Variants in SLX9 observed in about 807,000 individuals in gnomAD.
SLX9 encodes the protein SLX9 ribosome biogenesis factor, also known as ribosome biogenesis protein SLX9 homolog.
A neutral mutation model predicts 20.8 loss-of-function variants in SLX9; 19 were observed. The ratio of observed to expected loss-of-function variants is 0.91; its 90% CI spans 0.64 to 1.34. The LOEUF is 1.34. SLX9 is among the 40% of genes most tolerant of loss of function. SLX9 has a pLI of 0.00. For missense variants in SLX9, 299 were observed against 322.2 expected (o/e 0.93, Z 0.55); for synonymous variants, 113 against 137.1 (o/e 0.82, Z 1.23).
upstream of SLX9, chr21:44,939,876 C>G (rs1639462742): frequency 8.5e-6 from 5 of 586,682 alleles, no homozygotes; most frequent in Non-Finnish European, 1.4e-5. Flanking sequence ...CCAGGTGCGT[C>G]GGTGAAAGGC....
chr21:44,972,796 G>T (rs2085176404), intron 4 of SLX9, among the ~76,000 whole-genome samples: 1 of 152,218 alleles, frequency 6.6e-6, no homozygotes, highest in Non-Finnish European at 1.5e-5. Flanking sequence ...GAAGTGTGAG[G>T]TGTCTGCGCA....
intron 1 of SLX9, among the ~76,000 whole-genome samples, chr21:44,941,409 C>G (rs1273092607): frequency 6.6e-6 from 1 of 151,076 alleles, no homozygotes; most frequent in Non-Finnish European, 1.5e-5. Context: ...TGACCTCTCT[C>G]CTTGTCCCCT....
At chr21:44,968,059 CGGGCCT>C (rs796975011) in intron 4 of SLX9, among the ~76,000 whole-genome samples, 1 of 151,950 alleles carries the variant, frequency 6.6e-6, no homozygotes, top group Non-Finnish European at 1.5e-5. Flanking sequence ...GCCAAGCCAG[CGGGCCT>C]GGGCCTGGGC....
intron 3 of SLX9, among the ~76,000 whole-genome samples, chr21:44,960,701 C>T (rs897597470): frequency 4.6e-5 from 7 of 152,364 alleles, no homozygotes; most frequent in South Asian, 2.1e-4. Flanking sequence ...CCTTTCAGGC[C>T]TGTGGCTCCC....
intron 2 of SLX9, among the ~76,000 whole-genome samples, chr21:44,959,643 A>AG (rs1245666943): frequency 6.6e-6 from 1 of 152,182 alleles, no homozygotes; most frequent in Non-Finnish European, 1.5e-5. Flanking sequence ...CGGGCCTGGC[A>AG]GGGGGCAGGG....
intron 4 of SLX9, among the ~76,000 whole-genome samples, chr21:44,969,749 AT>A (rs151081272): frequency 0.078 from 11,881 of 152,200 alleles, 1,541 homozygotes; most frequent in African/African-American, 0.27. Context: ...GCGTTAAGTA[AT>A]TAATAGTTAA....
At chr21:44,973,041 G>T in intron 4 of SLX9, 156 bp from the exon 5 acceptor site, 2 of 778,262 alleles carry the variant, frequency 2.6e-6, no homozygotes, top group Non-Finnish European at 4.2e-6. Flanking sequence ...CGCCTCCATG[G>T]CCACAGTGCA....
chr21:44,943,012 G>C (rs1436278086), intron 1 of SLX9, among the ~76,000 whole-genome samples: 2 of 152,176 alleles, frequency 1.3e-5, no homozygotes, highest in Non-Finnish European at 2.9e-5. Context: ...TTAGTGACAT[G>C]TTTTGGGGTG....
chr21:44,946,428 A>G (rs2084643826), intron 2 of SLX9, among the ~76,000 whole-genome samples: 1 of 150,180 alleles, frequency 6.7e-6, no homozygotes, highest in Non-Finnish European at 1.5e-5. Flanking sequence ...GAGGGGCACG[A>G]GGATGGGAAT....
At chr21:44,975,302 C>T (rs768850456) in intron 5 of SLX9, among the ~76,000 whole-genome samples, 1 of 152,184 alleles carries the variant, frequency 6.6e-6, no homozygotes, top group Non-Finnish European at 1.5e-5. Context: ...CAAGGCTGCT[C>T]CCCTGAGTAC....
chr21:44,944,468 G>C (rs1250780296), intron 2 of SLX9, among the ~76,000 whole-genome samples: 4 of 151,888 alleles, frequency 2.6e-5, no homozygotes, highest in African/African-American at 9.7e-5. Flanking sequence ...AGGTGTTTTA[G>C]AGAGTTCCCG....
At chr21:44,946,033 C>G (rs767514282) in intron 2 of SLX9, among the ~76,000 whole-genome samples, 13 of 152,226 alleles carry the variant, frequency 8.5e-5, no homozygotes, top group Non-Finnish European at 1.8e-4. Flanking sequence ...CACGCCCGGC[C>G]TGGTCTTTGT....
Position 44,963,357 on chromosome 21 carries a change from G to A in SLX9, c.352+3189G>A, listed in dbSNP as rs538923249. On this transcript the variant is annotated intron_variant, in intron 3 of 5. Transcript: ENST00000291634. ...CCCGCCTTGGCCTCCCAAAGTGCTC[G>A]GATTACAGGCGTGAGAACTTTTTTT... Among the ~76,000 whole-genome samples, 21 of 150,144 alleles carry A rather than the reference G, an allele frequency of 1.4e-4. 1 individual carries two copies. The South Asian group carries it at 4.2e-3, about 30-fold the overall frequency.
chr21:44,946,449 G>A (rs192581215), intron 2 of SLX9, among the ~76,000 whole-genome samples: 3 of 150,492 alleles, frequency 2.0e-5, no homozygotes, highest in Admixed American at 6.6e-5. Context: ...TATTTGAGCC[G>A]TGCGGCAGGG....
upstream of SLX9, chr21:44,939,770 C>T (rs935478693): frequency 1.0e-4 from 55 of 546,254 alleles, 1 homozygote; most frequent in Non-Finnish European, 1.7e-4. Context: ...CATCCCCGAC[C>T]TTGGACGCAA....
intron 2 of SLX9, among the ~76,000 whole-genome samples, chr21:44,957,569 G>A (rs73906976): frequency 0.057 from 8,729 of 152,296 alleles, 789 homozygotes; most frequent in African/African-American, 0.2. Flanking sequence ...GACCCAGATC[G>A]CAGGAGCCAC....
upstream of SLX9, chr21:44,940,020 G>C: frequency 7.2e-7 from 1 of 1,392,344 alleles, no homozygotes. Flanking sequence ...CCAGCTTCCG[G>C]GAGGCGCTCC....
intron 4 of SLX9, among the ~76,000 whole-genome samples, chr21:44,972,735 G>A (rs971566839): frequency 2.0e-5 from 3 of 152,244 alleles, no homozygotes; most frequent in Admixed American, 6.5e-5. Flanking sequence ...CTGGGAAGTG[G>A]TGTGTACTGC....
chr21:44,950,871 C>T (rs1217737217), intron 2 of SLX9, among the ~76,000 whole-genome samples: 1 of 152,164 alleles, frequency 6.6e-6, no homozygotes, highest in East Asian at 1.9e-4. Context: ...CGGGGGGCTG[C>T]TGTAGAACTG....
Sources: gnomAD v4.1 joint callset for allele counts (sites outside exome capture counted in the v4.1 genomes callset) on GRCh38, gnomAD v4.1.1 for gene constraint, MANE v1.5 for transcripts, NCBI Gene and HGNC (gene_info 2026-07-23, HGNC 2026-07-21) for gene names.